The following FRAS1 variants were observed in gnomAD, a reference collection of about 807,000 sequenced individuals.
The protein encoded by FRAS1 is Fraser extracellular matrix complex subunit 1, also known as extracellular matrix organizing protein FRAS1.
FRAS1 carries 290 observed loss-of-function variants against 435.2 expected under a neutral mutation model. That is an observed-to-expected ratio of 0.67 (90% CI 0.61 to 0.73). The LOEUF (loss-of-function observed/expected upper bound fraction) is 0.73, where lower values mean the gene tolerates loss of function less well. Among genes scored for constraint, FRAS1 ranks in the 30% least tolerant of loss-of-function variants. The pLI is 0.00. For synonymous variants in FRAS1, 1,800 were observed against 1,851.0 expected, an observed-to-expected ratio of 0.97 and a Z score of 0.71; for missense variants, 4,860 against 5,001.5, an observed-to-expected ratio of 0.97 and a Z score of 0.85.
At chr4:78,397,927 T>A (rs947787386) in intron 29 of FRAS1, among the ~76,000 whole-genome samples, 7 of 152,136 alleles carry the variant, frequency 4.6e-5, no homozygotes, top group African/African-American at 1.7e-4. Context: ...AAAATGAAAC[T>A]GTGTTTCTTA....
chr4:78,469,832 G>A (rs1719647453), intron 50 of FRAS1, 146 bp from the exon 51 acceptor site: 2 of 675,500 alleles, frequency 3.0e-6, no homozygotes, highest in East Asian at 5.6e-5. Flanking sequence ...GTGCCAGGAT[G>A]ATAAGGGATG....
chr4:78,374,249 C>T lies in FRAS1; in HGVS notation c.3149C>T (p.Thr1050Ile), dbSNP rs191260462. 3.9e-5 allele frequency: 61 copies of T among 1,572,676 alleles called. No homozygotes were observed. The highest frequency in any genetic ancestry group is 3.5e-6 in the Non-Finnish European group (4 of 1,155,098). ...GCAGATCATGCAAAGCACAAATGCACAGGTAACTTGGAGACTGCTGATTAT... is the reference window on the plus strand; with the variant it reads ...GCAGATCATGCAAAGCACAAATGCATAGGTAACTTGGAGACTGCTGATTAT... The part of the protein sequence containing the change: ...YFADHAKHKC[T>I]ACPQGCLQCS... Residue 1050 changes from threonine (T) to isoleucine (I), a missense_variant and splice_region_variant, in exon 25 of 74, where the codon ACA (threonine) becomes ATA (isoleucine). Transcript: ENST00000512123.
intron 13 of FRAS1, 55 bp downstream of exon 13, chr4:78,284,603 C>G: frequency 6.7e-7 from 1 of 1,492,564 alleles, no homozygotes; most frequent in Non-Finnish European, 9.0e-7. Flanking sequence ...ATAGACTCAT[C>G]AAAGGTTGTG....
At chr4:78,532,621 C>CTTG (rs1490604868) in intron 70 of FRAS1, among the ~76,000 whole-genome samples, 2 of 152,160 alleles carry the variant, frequency 1.3e-5, no homozygotes. Flanking sequence ...TATCCCCCTC[C>CTTG]TCGTCGCTCC....
chr4:78,448,701 G>A (rs898724292), intron 44 of FRAS1, among the ~76,000 whole-genome samples: 1 of 152,028 alleles, frequency 6.6e-6, no homozygotes, highest in East Asian at 1.9e-4. Flanking sequence ...TTTTTAAGAC[G>A]CTTATTTTTT....
intron 35 of FRAS1, 65 bp downstream of exon 35, chr4:78,424,485 T>C: frequency 5.3e-6 from 4 of 748,090 alleles, no homozygotes; most frequent in Non-Finnish European, 2.1e-6. Flanking sequence ...TTCTTTCTTT[T>C]TGTTCCCATC....
chr4:78,255,487 C>CCAAA (rs1016464392), intron 6 of FRAS1, 112 bp downstream of exon 6: 42 of 1,151,252 alleles, frequency 3.6e-5, no homozygotes, highest in Non-Finnish European at 5.0e-5. Flanking sequence ...GAAGCAAAGC[C>CCAAA]CTTTTTGTTT....
rs1720020855 is a variant in FRAS1, at chr4:78,481,872, A to G, written c.8512A>G (p.Thr2838Ala). The G allele has an allele frequency of 6.2e-7, 1 of 1,613,868 alleles. No homozygotes were observed. Among genetic ancestry groups the G allele is most frequent in the Admixed American group, 1.7e-5 (1 of 60,008 alleles). ...LSTFASVWCA[T>A]RPSDPASATP... is the part of the protein sequence containing the mutation. ...TACTTTCGCATCTGTCTGGTGTGCA[A>G]CGCGGCCCTCAGACCCAGCTTCTGC... is the stretch of plus-strand genomic sequence containing the variant. Residue 2838 changes from threonine (T) to alanine (A), a missense_variant, in exon 57 of 74, where the codon ACG (threonine) becomes GCG (alanine). Thr to Ala is a moderately conservative substitution (Grantham distance 58). Coordinates refer to ENST00000512123, the MANE Select transcript of FRAS1 (RefSeq NM_025074.7).
At chr4:78,455,928 C>CAAG (rs1210901559) in intron 47 of FRAS1, among the ~76,000 whole-genome samples, 1 of 152,112 alleles carries the variant, frequency 6.6e-6, no homozygotes, top group Non-Finnish European at 1.5e-5. Context: ...ATGACTTCAA[C>CAAG]AAGACATTTG....
chr4:78,252,345 G>C, intron 4 of FRAS1, 47 bp from the exon 5 acceptor site: 3 of 1,568,486 alleles, frequency 1.9e-6, no homozygotes, highest in Non-Finnish European at 2.6e-6. Flanking sequence ...ATGAAAGCCT[G>C]TGTTTTGGCA....
At position 78,438,730 on chromosome 4, in the gene FRAS1, C is replaced by G; in HGVS notation, c.5366+12C>G. ...AACAAGAAAATCAGGTACATAATCA[C>G]TTTGTATTATTTGACAGATTCTTAA... On this transcript the variant is annotated intron_variant, in intron 39 of 73. Transcript: ENST00000512123. The G allele has an allele frequency of 1.3e-6, 2 of 1,573,378 alleles. No individual in the cohort carries two copies. The highest frequency in any genetic ancestry group is 1.7e-6 in the Non-Finnish European group (2 of 1,158,544).
In FRAS1 at chr4:78,541,733, T is replaced by C. The variant is rs946908893; in HGVS notation, c.*609T>C. 1 of 152,096 alleles carries C rather than the reference T, an allele frequency of 6.6e-6. No homozygotes were observed. The highest frequency in any genetic ancestry group is 1.5e-5 in the Non-Finnish European group (1 of 68,016). 9.4% of individuals were successfully genotyped at this position (152,096 alleles called of 1,614,324 possible). On this transcript the variant is annotated 3_prime_UTR_variant, in exon 74 of 74. Transcript: ENST00000512123. ...GGGATTTCAGTGTGCTTAAGTAAAA[T>C]CCTCTGAAAACCACGGGAGCCTCTG...
intron 2 of FRAS1, among the ~76,000 whole-genome samples, chr4:78,213,718 A>G (rs1221810481): frequency 6.6e-6 from 1 of 152,186 alleles, no homozygotes; most frequent in Admixed American, 6.5e-5. Flanking sequence ...AAGTTGATAG[A>G]CAGTTGCCCA....
chr4:78,128,876 T>G (rs1286838536), intron 2 of FRAS1, among the ~76,000 whole-genome samples: 2 of 152,238 alleles, frequency 1.3e-5, no homozygotes, highest in Admixed American at 6.5e-5. Context: ...TCTAGGGTTT[T>G]TATGGTTTTA....
chr4:78,334,852 G>A (rs987361787), intron 19 of FRAS1, among the ~76,000 whole-genome samples: 2 of 151,798 alleles, frequency 1.3e-5, no homozygotes, highest in African/African-American at 4.8e-5. Flanking sequence ...TTGAACTCCT[G>A]GGCTCTAGTT....
chr4:78,271,414 T>C (rs879580023), intron 9 of FRAS1, among the ~76,000 whole-genome samples: 5 of 152,218 alleles, frequency 3.3e-5, no homozygotes, highest in Non-Finnish European at 7.3e-5. Context: ...GCTGCACCCA[T>C]TAACTCGTCA....
intron 18 of FRAS1, among the ~76,000 whole-genome samples, chr4:78,319,991 A>G (rs139386879): frequency 6.6e-6 from 1 of 152,346 alleles, no homozygotes; most frequent in African/African-American, 2.4e-5. Context: ...CCTTTTTGCT[A>G]GGCTCAAAGA....
chr4:78,361,746 C>T (rs140865797), intron 20 of FRAS1, among the ~76,000 whole-genome samples: 127 of 152,270 alleles, frequency 8.3e-4, no homozygotes, highest in Non-Finnish European at 1.5e-3. Context: ...CTACTACAAG[C>T]GTTGAGATGA....
intron 2 of FRAS1, among the ~76,000 whole-genome samples, chr4:78,213,563 TA>T (rs1334645933): frequency 6.6e-6 from 1 of 152,216 alleles, no homozygotes; most frequent in African/African-American, 2.4e-5. Context: ...TTTTCTGGAG[TA>T]AGCACATAGA....
Sources: gnomAD v4.1 joint callset for allele counts (sites outside exome capture counted in the v4.1 genomes callset) on GRCh38, gnomAD v4.1.1 for gene constraint, MANE v1.5 for transcripts, NCBI Gene and HGNC (gene_info 2026-07-23, HGNC 2026-07-21) for gene names.